FILIP1: variants seen among roughly 807,000 people sequenced by gnomAD.
FILIP1 encodes the protein filamin A interacting protein 1.
FILIP1 carries 61 observed loss-of-function variants against 102.1 expected under a neutral mutation model. That is an observed-to-expected ratio of 0.60 (90% confidence interval 0.49 to 0.74). The LOEUF is 0.74. Ranked by LOEUF, FILIP1 falls within the 30% of genes least tolerant of loss-of-function variation. The pLI, the probability that FILIP1 is intolerant of heterozygous loss-of-function variation, is 0.00. For missense variants in FILIP1, 1,314 were observed against 1,441.2 expected, an observed-to-expected ratio of 0.91 and a Z score of 1.43; for synonymous variants, 491 against 526.9, an observed-to-expected ratio of 0.93 and a Z score of 0.93.
rs545247144 is a variant in FILIP1 at position 75,364,744 on chromosome 6, A to C, written c.277-1827T>G. ...ATTCCAAAGTTGAGAGTACTGTGCC[A>C]CACTAATAGATTATGAGACATAGCA... is the stretch of plus-strand genomic sequence containing the variant. On this transcript the variant is annotated intron_variant, in intron 2 of 5. Transcript: ENST00000237172. Among the ~76,000 whole-genome samples the C allele has an allele frequency of 1.2e-4, 19 of 152,322 alleles. 1 individual carries two copies. In the South Asian group the frequency reaches 3.3e-3, roughly 27 times the overall value.
In FILIP1 at chr6:75,441,525, T is replaced by C. The variant is rs1320854742; in HGVS notation, c.-6-26547A>G. Among the ~76,000 whole-genome samples, 62 of 150,746 alleles carry C rather than the reference T, an allele frequency of 4.1e-4. 1 individual carries two copies. The highest frequency in any genetic ancestry group is 7.9e-4 in the East Asian group (4 of 5,038). Reference sequence around the variant, plus strand: ...CCTCCCAGACGGGGTGGTGGCCGGGTAGAGGGGCTCCTCACTTCCCAGTAG... The same window carrying C: ...CCTCCCAGACGGGGTGGTGGCCGGGCAGAGGGGCTCCTCACTTCCCAGTAG... On this transcript the variant is annotated intron_variant, in intron 1 of 5. Coordinates refer to ENST00000237172, the MANE Select transcript of FILIP1 (RefSeq NM_015687.5).
At chr6:75,402,654 G>A (rs1776698385) in intron 2 of FILIP1, among the ~76,000 whole-genome samples, 1 of 152,098 alleles carries the variant, frequency 6.6e-6, no homozygotes, top group East Asian at 1.9e-4. Flanking sequence ...ACCCCTGAAG[G>A]ATAAGCCTAT....
chr6:75,439,061 T>C (rs2149717201), intron 1 of FILIP1, among the ~76,000 whole-genome samples: 1 of 152,350 alleles, frequency 6.6e-6, no homozygotes, highest in South Asian at 2.1e-4. Context: ...TCCAGATCTT[T>C]GAATTCACTC....
In FILIP1 at chr6:75,362,744, C is replaced by T. The variant is rs371538281; in HGVS notation, c.450G>A (p.Glu150=). ...GEDVYEKPIS[E]LDRLEEKQKE... ...GGACTTGTTGGTGTCATATTTTTAC[C>T]TCTGAAATCGGTTTCTCATAGACAT... is the stretch of plus-strand genomic sequence containing the variant. The change falls in exon 3 of 6, where the codon GAG becomes GAA. Residue 150 remains glutamate, a splice_region_variant and synonymous_variant. Transcript: ENST00000237172. The T allele has an allele frequency of 2.4e-5, 38 of 1,612,056 alleles. No homozygotes were observed. In the South Asian group the frequency reaches 3.7e-4, roughly 16 times the overall value.
intron 1 of FILIP1, among the ~76,000 whole-genome samples, chr6:75,435,902 C>T (rs750907822): frequency 2.0e-5 from 3 of 152,170 alleles, no homozygotes; most frequent in Non-Finnish European, 4.4e-5. Context: ...GCTTTAATTA[C>T]TCAGAAGAGT....
At chr6:75,329,352 G>A (rs181870940) in intron 4 of FILIP1, among the ~76,000 whole-genome samples, 1 of 152,236 alleles carries the variant, frequency 6.6e-6, no homozygotes, top group East Asian at 1.9e-4. Flanking sequence ...ATCAGCATTA[G>A]CTCCAGAGCA....
chr6:75,431,044 C>A (rs138313544), intron 1 of FILIP1, among the ~76,000 whole-genome samples: 2 of 152,326 alleles, frequency 1.3e-5, no homozygotes, highest in African/African-American at 4.8e-5. Flanking sequence ...AATAAGACTA[C>A]ACTCTGAGTT....
intron 4 of FILIP1, among the ~76,000 whole-genome samples, chr6:75,343,166 C>T (rs1238063634): frequency 3.3e-5 from 5 of 152,144 alleles, no homozygotes; most frequent in Non-Finnish European, 4.4e-5. Flanking sequence ...AAAAAGCCCA[C>T]GTGAGCACAC....
chr6:75,480,236 T>C (rs1356052239), intron 1 of FILIP1, among the ~76,000 whole-genome samples: 5 of 77,848 alleles, frequency 6.4e-5, no homozygotes, highest in South Asian at 4.2e-4. Context: ...ATTTCCAGTA[T>C]AGATTTGAAA....
At position 75,362,365 on chromosome 6, in the gene FILIP1, G is replaced by A. The variant is rs552551225; in HGVS notation, c.450+379C>T. ...GTGTCTTTATAACCATATCAGATAAGATCAATTTAATTTTAGGTTACCAAT... is the reference window on the plus strand; with the variant it reads ...GTGTCTTTATAACCATATCAGATAAAATCAATTTAATTTTAGGTTACCAAT... On this transcript the variant is annotated intron_variant, in intron 3 of 5. Transcript: ENST00000237172. 1.6e-4 allele frequency among the ~76,000 whole-genome samples: 25 copies of A among 152,250 alleles called. No individual in the cohort carries two copies. In the South Asian group the frequency reaches 5.2e-3, roughly 32 times the overall value.
At chr6:75,421,215 A>G (rs150135559) in intron 1 of FILIP1, among the ~76,000 whole-genome samples, 1 of 152,328 alleles carries the variant, frequency 6.6e-6, no homozygotes, top group Non-Finnish European at 1.5e-5. Context: ...AAATAGGAGT[A>G]TAAATGACAG....
At chr6:75,485,925 T>A (rs1455761972) in intron 1 of FILIP1, among the ~76,000 whole-genome samples, 1 of 151,700 alleles carries the variant, frequency 6.6e-6, no homozygotes, top group Non-Finnish European at 1.5e-5. Flanking sequence ...CAAGCCTTTA[T>A]GTGGAGCACC....
In FILIP1 at chr6:75,464,192, A is replaced by T. The variant is rs866384156; in HGVS notation, c.-7+29222T>A. Among the ~76,000 whole-genome samples the T allele has an allele frequency of 2.6e-5, 4 of 152,298 alleles. No individual in the cohort carries two copies. The Middle Eastern group carries it at 0.01, about 389-fold the overall frequency. On this transcript the variant is annotated intron_variant, in intron 1 of 5. Coordinates refer to ENST00000237172, the MANE Select transcript of FILIP1 (RefSeq NM_015687.5). Reference sequence around the variant, plus strand: ...ATAGACTCAGGCCTAATACTCAAGTACTTACATTTTATTATTTCCTTCTTT... The same window carrying T: ...ATAGACTCAGGCCTAATACTCAAGTTCTTACATTTTATTATTTCCTTCTTT...
rs762226984 is a variant in FILIP1 at position 75,375,587 on chromosome 6, G to A, written c.277-12670C>T. 8.5e-5 allele frequency among the ~76,000 whole-genome samples: 13 copies of A among 152,280 alleles called. No homozygotes were observed. In the East Asian group the frequency reaches 2.5e-3, roughly 29 times the overall value. Reference sequence around the variant, plus strand: ...TTCTCACCAAGCGGGAGGGTGCAGGGGCAAGAGAGGGAAAAGATAGCTTTA... The same window carrying A: ...TTCTCACCAAGCGGGAGGGTGCAGGAGCAAGAGAGGGAAAAGATAGCTTTA... On this transcript the variant is annotated intron_variant, in intron 2 of 5. Transcript: ENST00000237172.
At chr6:75,347,402 A>G (rs1410163148) in intron 4 of FILIP1, among the ~76,000 whole-genome samples, 1 of 152,256 alleles carries the variant, frequency 6.6e-6, no homozygotes, top group Non-Finnish European at 1.5e-5. Flanking sequence ...TGCTAATCAC[A>G]AAGAAGAAGG....
At chr6:75,467,490 G>A (rs1425133974) in intron 1 of FILIP1, among the ~76,000 whole-genome samples, 2 of 152,164 alleles carry the variant, frequency 1.3e-5, no homozygotes, top group East Asian at 1.9e-4. Context: ...TCCTCAGCTG[G>A]ATGCCTTCAT....
intron 2 of FILIP1, among the ~76,000 whole-genome samples, chr6:75,392,349 C>A (rs1309659535): frequency 6.6e-6 from 1 of 152,128 alleles, no homozygotes; most frequent in African/African-American, 2.4e-5. Context: ...TATTCAAATG[C>A]CAAAGTTTCA....
chr6:75,492,049 C>T (rs1779975041), intron 1 of FILIP1, among the ~76,000 whole-genome samples: 1 of 152,176 alleles, frequency 6.6e-6, no homozygotes, highest in Non-Finnish European at 1.5e-5. Flanking sequence ...TATTTCATCT[C>T]TACTAAAGCA....
At position 75,472,049 on chromosome 6, in the gene FILIP1, A is replaced by G. The variant is rs78191839; in HGVS notation, c.-7+21365T>C. On this transcript the variant is annotated intron_variant, in intron 1 of 5. Coordinates refer to ENST00000237172, the MANE Select transcript of FILIP1 (RefSeq NM_015687.5). ...AATTTAAATTTTTAATGTACAAATT[A>G]TAATTACAAAGTACTGCAAGCAATT... Among the ~76,000 whole-genome samples, 100 of 152,292 alleles carry G rather than the reference A, an allele frequency of 6.6e-4. No individual in the cohort carries two copies. In the East Asian group the frequency reaches 0.019, roughly 28 times the overall value.
Sources: gnomAD v4.1 joint callset for allele counts (sites outside exome capture counted in the v4.1 genomes callset) on GRCh38, gnomAD v4.1.1 for gene constraint, MANE v1.5 for transcripts, NCBI Gene and HGNC (gene_info 2026-07-23, HGNC 2026-07-21) for gene names.